IFT56: variants seen among roughly 807,000 people sequenced by gnomAD.
IFT56 encodes the protein intraflagellar transport 56.
At chr7:139,162,665 A>G in the IFT56 span, among the ~76,000 whole-genome samples, 4 of 152,204 alleles carry the variant, frequency 2.6e-5, no homozygotes, top group African/African-American at 9.6e-5. Flanking sequence ...AGGGAAAATG[A>G]AAGTACTTAT....
At chr7:139,166,904 G>A in the IFT56 span, 1 of 1,560,880 alleles carries the variant, frequency 6.4e-7, no homozygotes, top group Admixed American at 1.7e-5. Context: ...AGGTAACTGA[G>A]AATGTTTTAT....
At chr7:139,151,070 T>C in the IFT56 span, among the ~76,000 whole-genome samples, 1 of 152,248 alleles carries the variant, frequency 6.6e-6, no homozygotes, top group Non-Finnish European at 1.5e-5. Context: ...GCCAACTGCT[T>C]ATTTGTTGAA....
chr7:139,144,916 G>C, the IFT56 span, among the ~76,000 whole-genome samples: 1 of 152,020 alleles, frequency 6.6e-6, no homozygotes. Context: ...CTGGACAGCT[G>C]TTTCCTGGTT....
the IFT56 span, among the ~76,000 whole-genome samples, chr7:139,137,157 A>G: frequency 6.6e-6 from 1 of 152,172 alleles, no homozygotes; most frequent in Non-Finnish European, 1.5e-5. Flanking sequence ...TTATCTTACC[A>G]CGGAAATTCA....
chr7:139,151,026 C>G, the IFT56 span, among the ~76,000 whole-genome samples: 2 of 152,122 alleles, frequency 1.3e-5, no homozygotes, highest in Non-Finnish European at 2.9e-5. Context: ...CATTTGTGTC[C>G]CAGGACTGGG....
chr7:139,134,068 C>A, the IFT56 span, among the ~76,000 whole-genome samples: 1 of 152,262 alleles, frequency 6.6e-6, no homozygotes. Context: ...CACATTTAAA[C>A]CACTCGTGGG....
chr7:139,146,102 T>C, the IFT56 span, among the ~76,000 whole-genome samples: 69 of 152,308 alleles, frequency 4.5e-4, no homozygotes, highest in African/African-American at 1.6e-3. Flanking sequence ...CACTTAAAAA[T>C]GTATCATGAA....
chr7:139,169,528 G>C, the IFT56 span, among the ~76,000 whole-genome samples: 1 of 152,198 alleles, frequency 6.6e-6, no homozygotes, highest in Non-Finnish European at 1.5e-5. Context: ...CAGCGAAAGT[G>C]GGATAAGAGA....
At chr7:139,169,358 T>C in the IFT56 span, 3 of 1,613,518 alleles carry the variant, frequency 1.9e-6, no homozygotes, top group Non-Finnish European at 2.5e-6. Context: ...ATGTGGTATG[T>C]CTGAAATCTG....
the IFT56 span, among the ~76,000 whole-genome samples, chr7:139,180,154 G>A: frequency 1.3e-5 from 2 of 150,652 alleles, no homozygotes; most frequent in African/African-American, 2.4e-5. Flanking sequence ...TGGCTAGCAC[G>A]GTGAAACCCC....
the IFT56 span, among the ~76,000 whole-genome samples, chr7:139,183,844 A>C: frequency 6.6e-6 from 1 of 152,230 alleles, no homozygotes; most frequent in African/African-American, 2.4e-5. Context: ...AAATGTTAAT[A>C]GCAGCTTTAT....
the IFT56 span, among the ~76,000 whole-genome samples, chr7:139,135,791 T>A: frequency 6.6e-6 from 1 of 152,354 alleles, no homozygotes; most frequent in East Asian, 1.9e-4. Context: ...ATGGTCTGGT[T>A]GTGTTGTACC....
At chr7:139,164,439 TATG>T in the IFT56 span, among the ~76,000 whole-genome samples, 1 of 152,230 alleles carries the variant, frequency 6.6e-6, no homozygotes, top group African/African-American at 2.4e-5. Flanking sequence ...CTGCAGTTCT[TATG>T]AAGAGGAAAA....
At chr7:139,153,446 C>CAA in the IFT56 span, among the ~76,000 whole-genome samples, 51 of 138,326 alleles carry the variant, frequency 3.7e-4, no homozygotes, top group Middle Eastern at 3.8e-3. Flanking sequence ...TACTCCGTCT[C>CAA]AAAAAAAAAA....
the IFT56 span, chr7:139,147,367 G>A: frequency 1.6e-6 from 2 of 1,273,502 alleles, no homozygotes; most frequent in Non-Finnish European, 2.2e-6. Flanking sequence ...AGAATCTAGT[G>A]TCCTCTGGAT....
chr7:139,140,775 CAAAA>C, the IFT56 span, among the ~76,000 whole-genome samples: 1 of 74,892 alleles, frequency 1.3e-5, no homozygotes, highest in African/African-American at 4.5e-5. Flanking sequence ...AACTCCACCT[CAAAA>C]AAAAAAAAAA....
At chr7:139,182,791 T>G in the IFT56 span, among the ~76,000 whole-genome samples, 1 of 151,916 alleles carries the variant, frequency 6.6e-6, no homozygotes, top group Admixed American at 6.6e-5. Flanking sequence ...AGGAAAACAA[T>G]GAGGACAGGA....
At chr7:139,170,291 A>G in the IFT56 span, among the ~76,000 whole-genome samples, 1 of 152,192 alleles carries the variant, frequency 6.6e-6, no homozygotes, top group African/African-American at 2.4e-5. Flanking sequence ...TTTAAAGAAA[A>G]ACTAATACCA....
the IFT56 span, among the ~76,000 whole-genome samples, chr7:139,164,242 A>G: frequency 2.6e-5 from 4 of 152,224 alleles, no homozygotes; most frequent in African/African-American, 9.6e-5. Context: ...ACACTGAAAT[A>G]TGTGCCATTT....
Sources: gnomAD v4.1 joint callset for allele counts (sites outside exome capture counted in the v4.1 genomes callset) on GRCh38, gnomAD v4.1.1 for gene constraint, MANE v1.5 for transcripts, NCBI Gene and HGNC (gene_info 2026-07-23, HGNC 2026-07-21) for gene names.